Variants in ATRNL1 observed in about 807,000 individuals in gnomAD.
ATRNL1 encodes attractin like 1, also known as attractin-like protein 1.
Under a neutral mutation model 182.7 loss-of-function variants are expected in ATRNL1, and 95 were observed. That is an observed-to-expected ratio of 0.52 (90% CI 0.44 to 0.62). The LOEUF is 0.62. ATRNL1 is among the 20% of genes least tolerant of loss of function. The probability of loss-of-function intolerance (pLI) is 0.00; values close to 1 mark genes in which losing one functional copy is unlikely to be tolerated. For synonymous variants in ATRNL1, 576 were observed against 568.3 expected (o/e 1.01, Z -0.19); for missense variants, 1,471 against 1,679.5 (o/e 0.88, Z 2.17).
chr10:115,243,218 A>C (rs781989241), intron 10 of ATRNL1, among the ~76,000 whole-genome samples: 33 of 152,228 alleles, frequency 2.2e-4, no homozygotes, highest in Non-Finnish European at 4.1e-4. Flanking sequence ...TGAAGAATTT[A>C]AGGTTGAGCT....
At chr10:115,652,971 G>A (rs1860106715) in intron 26 of ATRNL1, among the ~76,000 whole-genome samples, 1 of 151,974 alleles carries the variant, frequency 6.6e-6, no homozygotes, top group Admixed American at 6.6e-5. Context: ...TTAAAAACTA[G>A]AACTGAAGCT....
intron 26 of ATRNL1, among the ~76,000 whole-genome samples, chr10:115,588,023 C>T (rs1311726266): frequency 2.6e-5 from 4 of 151,992 alleles, no homozygotes; most frequent in African/African-American, 9.7e-5. Flanking sequence ...GCAAATGGTT[C>T]AAATTCACTA....
At chr10:115,531,472 GTTGT>G (rs1202336397) in intron 25 of ATRNL1, among the ~76,000 whole-genome samples, 18 of 152,182 alleles carry the variant, frequency 1.2e-4, no homozygotes, top group African/African-American at 3.9e-4. Flanking sequence ...TTTTGATGGG[GTTGT>G]TTGTTTTTTT....
At chr10:115,207,274 A>G (rs570491827) in intron 8 of ATRNL1, among the ~76,000 whole-genome samples, 5 of 152,282 alleles carry the variant, frequency 3.3e-5, no homozygotes, top group Non-Finnish European at 5.9e-5. Context: ...ACTGTCTTCC[A>G]CAATGGTTGA....
chr10:115,222,542 A>G (rs1849509083), intron 9 of ATRNL1, among the ~76,000 whole-genome samples: 1 of 152,178 alleles, frequency 6.6e-6, no homozygotes, highest in East Asian at 1.9e-4. Flanking sequence ...ACATGAAGAC[A>G]AAAATTTCAA....
At chr10:115,282,408 C>T (rs538007135) in intron 14 of ATRNL1, among the ~76,000 whole-genome samples, 2 of 151,238 alleles carry the variant, frequency 1.3e-5, no homozygotes, top group African/African-American at 4.9e-5. Context: ...TCCCTCCCCC[C>T]TCTCCCCACC....
chr10:115,947,139 G>A lies in ATRNL1; in HGVS notation c.*2360G>A, dbSNP rs1425895069. 2 of 152,626 alleles carry A rather than the reference G, an allele frequency of 1.3e-5. No individual in the cohort carries two copies. Among genetic ancestry groups the A allele is most frequent in the East Asian group, 3.9e-4 (2 of 5,190 alleles). 9.5% of individuals were successfully genotyped at this position (152,626 alleles called of 1,614,324 possible). A position where few individuals can be genotyped will look rare whatever the true frequency, so the allele number is the denominator to read the frequency against. On this transcript the variant is annotated 3_prime_UTR_variant, in exon 29 of 29. Coordinates refer to ENST00000355044, the MANE Select transcript of ATRNL1 (RefSeq NM_207303.4). ...AACGTATCAAAGCTTTTCACTGGCA[G>A]TAAATTCTTTGCCCTCAGGTGAAGT...
intron 19 of ATRNL1, among the ~76,000 whole-genome samples, chr10:115,361,324 T>A (rs547140543): frequency 2.0e-5 from 3 of 152,038 alleles, no homozygotes; most frequent in Non-Finnish European, 4.4e-5. Context: ...TATGTATGTA[T>A]GTGTGTAATC....
intron 28 of ATRNL1, among the ~76,000 whole-genome samples, chr10:115,892,067 G>A (rs1952092705): frequency 6.6e-6 from 1 of 152,140 alleles, no homozygotes; most frequent in Non-Finnish European, 1.5e-5. Flanking sequence ...TGAGTCTGCT[G>A]AAACCGTTTC....
At chr10:115,869,881 A>G (rs915602336) in intron 28 of ATRNL1, among the ~76,000 whole-genome samples, 12 of 150,140 alleles carry the variant, frequency 8.0e-5, no homozygotes, top group Non-Finnish European at 3.0e-5. Context: ...TATAATTTTA[A>G]TGACTGCATA....
intron 26 of ATRNL1, among the ~76,000 whole-genome samples, chr10:115,664,152 C>G (rs1212015820): frequency 1.3e-5 from 2 of 152,146 alleles, no homozygotes; most frequent in Non-Finnish European, 2.9e-5. Flanking sequence ...GAGATGTTCC[C>G]CACAGCTTCT....
At chr10:115,610,167 A>T (rs1857081789) in intron 26 of ATRNL1, among the ~76,000 whole-genome samples, 2 of 152,188 alleles carry the variant, frequency 1.3e-5, no homozygotes, top group South Asian at 4.1e-4. Context: ...TGTAACTACC[A>T]AGATGACAAA....
At chr10:115,620,002 G>A (rs556214230) in intron 26 of ATRNL1, among the ~76,000 whole-genome samples, 25 of 152,220 alleles carry the variant, frequency 1.6e-4, no homozygotes, top group East Asian at 5.8e-4. Context: ...TTAATTAGTC[G>A]TTTTGTTAAT....
intron 26 of ATRNL1, among the ~76,000 whole-genome samples, chr10:115,722,859 TA>T (rs1177910724): frequency 6.6e-6 from 1 of 152,052 alleles, no homozygotes; most frequent in Admixed American, 6.6e-5. Context: ...ATCCCCATTC[TA>T]AAAAAATAAA....
intron 28 of ATRNL1, among the ~76,000 whole-genome samples, chr10:115,879,629 G>A (rs1359482453): frequency 9.2e-5 from 14 of 152,196 alleles, no homozygotes; most frequent in Admixed American, 8.5e-4. Context: ...GGAAGCCCCT[G>A]ACTGTGGTAA....
At chr10:115,561,064 A>C (rs1853675022) in intron 26 of ATRNL1, among the ~76,000 whole-genome samples, 1 of 152,192 alleles carries the variant, frequency 6.6e-6, no homozygotes, top group South Asian at 2.1e-4. Flanking sequence ...AGAAGAAAAT[A>C]CAGAAGAAAA....
At chr10:115,683,957 A>T (rs1946136415) in intron 26 of ATRNL1, among the ~76,000 whole-genome samples, 1 of 151,902 alleles carries the variant, frequency 6.6e-6, no homozygotes, top group African/African-American at 2.4e-5. Flanking sequence ...GTTTTAGCCC[A>T]ATTAGACTGT....
chr10:115,635,636 A>G (rs1461231454), intron 26 of ATRNL1, among the ~76,000 whole-genome samples: 5 of 152,168 alleles, frequency 3.3e-5, no homozygotes, highest in Non-Finnish European at 5.9e-5. Context: ...TTAGCTACAT[A>G]CCCAATAGTA....
At chr10:115,289,580 C>T (rs1852793944) in intron 15 of ATRNL1, among the ~76,000 whole-genome samples, 1 of 151,772 alleles carries the variant, frequency 6.6e-6, no homozygotes, top group Non-Finnish European at 1.5e-5. Context: ...AGGTGGGGGT[C>T]TAGTTTAATT....
Sources: allele counts gnomAD v4.1 joint callset (sites outside exome capture counted in the v4.1 genomes callset), GRCh38; gene constraint gnomAD v4.1.1; transcripts MANE v1.5; gene names NCBI Gene and HGNC (gene_info 2026-07-23, HGNC 2026-07-21).